The following NLGN1 variants were observed in gnomAD, a reference collection of about 807,000 sequenced individuals.
The protein encoded by NLGN1 is neuroligin-1.
Under a neutral mutation model 65.5 loss-of-function variants are expected in NLGN1, and 12 were observed. That is an observed-to-expected ratio of 0.18 (90% CI 0.12 to 0.30). The LOEUF (loss-of-function observed/expected upper bound fraction) is 0.30, where lower values mean the gene tolerates loss of function less well. Among genes scored for constraint, NLGN1 ranks in the 10% least tolerant of loss-of-function variants. The probability of loss-of-function intolerance (pLI) is 1.00; values close to 1 mark genes in which losing one functional copy is unlikely to be tolerated. For synonymous variants in NLGN1, 350 were observed against 359.5 expected (o/e 0.97, Z 0.30); for missense variants, 750 against 1,007.1 (o/e 0.74, Z 3.46).
intron 4 of NLGN1, among the ~76,000 whole-genome samples, chr3:173,975,979 A>G (rs1363384865): frequency 2.0e-5 from 3 of 152,172 alleles, no homozygotes; most frequent in African/African-American, 7.2e-5. Flanking sequence ...TCTGCAATAT[A>G]TATTTACTAA....
chr3:174,281,888 A>C (rs1029218508), exon 7 of NLGN1: 1 of 152,372 alleles, frequency 6.6e-6, no homozygotes, highest in African/African-American at 2.4e-5. Context: ...AGTTGTGGGG[A>C]TAAAGGAAAC....
intron 2 of NLGN1, among the ~76,000 whole-genome samples, chr3:173,536,420 A>G (rs533024119): frequency 5.3e-5 from 8 of 152,074 alleles, no homozygotes; most frequent in South Asian, 2.1e-4. Flanking sequence ...TACCTGGGGG[A>G]AAAAAAGTAA....
chr3:174,244,717 A>G (rs1743483902), intron 4 of NLGN1, among the ~76,000 whole-genome samples: 1 of 152,168 alleles, frequency 6.6e-6, no homozygotes, highest in Non-Finnish European at 1.5e-5. Context: ...AGGCAAATTT[A>G]AAGTGTTGCT....
intron 4 of NLGN1, among the ~76,000 whole-genome samples, chr3:173,895,030 C>A (rs1736089980): frequency 6.6e-6 from 1 of 152,190 alleles, no homozygotes. Flanking sequence ...GGATTTCTTA[C>A]TGCAAGGTCT....
intron 2 of NLGN1, among the ~76,000 whole-genome samples, chr3:173,529,519 A>C (rs1453967670): frequency 1.3e-5 from 2 of 152,278 alleles, no homozygotes; most frequent in South Asian, 2.1e-4. Flanking sequence ...GCTGGGGTTG[A>C]AGAGGCTGCA....
chr3:173,413,593 C>G (rs1713055752), intron 1 of NLGN1, among the ~76,000 whole-genome samples: 1 of 135,054 alleles, frequency 7.4e-6, no homozygotes, highest in East Asian at 2.0e-4. Flanking sequence ...GAGCAAGACT[C>G]CATCTCAAAA....
chr3:173,625,272 T>A (rs1360527245), intron 3 of NLGN1, among the ~76,000 whole-genome samples: 1 of 152,124 alleles, frequency 6.6e-6, no homozygotes, highest in Non-Finnish European at 1.5e-5. Context: ...ATGTGTATTT[T>A]AGACATAAGA....
At chr3:173,856,669 T>G (rs946569639) in intron 4 of NLGN1, among the ~76,000 whole-genome samples, 2 of 152,100 alleles carry the variant, frequency 1.3e-5, no homozygotes, top group African/African-American at 4.8e-5. Context: ...GTTGATGATC[T>G]TTCCTAGGGT....
chr3:174,238,877 CTCTT>C (rs950392485), intron 4 of NLGN1, among the ~76,000 whole-genome samples: 10 of 152,102 alleles, frequency 6.6e-5, no homozygotes, highest in African/African-American at 2.2e-4. Context: ...GTCTGTCTCT[CTCTT>C]TCTTTAATTT....
At chr3:173,752,537 C>A (rs530922523) in intron 3 of NLGN1, among the ~76,000 whole-genome samples, 38 of 152,200 alleles carry the variant, frequency 2.5e-4, no homozygotes, top group African/African-American at 9.1e-4. Context: ...CCTTATTTAT[C>A]ATAGCATTAA....
intron 4 of NLGN1, among the ~76,000 whole-genome samples, chr3:173,977,698 T>A (rs1490003899): frequency 6.6e-6 from 1 of 151,346 alleles, no homozygotes; most frequent in Admixed American, 6.6e-5. Context: ...GGAAGGAAAA[T>A]CGTGCATTCA....
At chr3:173,713,582 A>G (rs1283082845) in intron 3 of NLGN1, among the ~76,000 whole-genome samples, 1 of 152,082 alleles carries the variant, frequency 6.6e-6, no homozygotes. Context: ...TAATAAGCCT[A>G]TGTTCTGTAC....
At chr3:173,441,607 A>G (rs1452329979) in intron 2 of NLGN1, among the ~76,000 whole-genome samples, 2 of 152,150 alleles carry the variant, frequency 1.3e-5, no homozygotes, top group African/African-American at 2.4e-5. Flanking sequence ...CATATTTGTC[A>G]GTTAAGTCTG....
At chr3:174,275,259 A>T in intron 4 of NLGN1, 56 bp from the exon 5 acceptor site, 1 of 1,270,236 alleles carries the variant, frequency 7.9e-7, no homozygotes, top group Non-Finnish European at 1.1e-6. Context: ...TTTAAATTTG[A>T]TGTCTATTTG....
intron 4 of NLGN1, among the ~76,000 whole-genome samples, chr3:173,978,510 A>C (rs1718027656): frequency 6.6e-6 from 1 of 151,996 alleles, no homozygotes; most frequent in Admixed American, 6.6e-5. Context: ...AAGAAGGATA[A>C]GGGGGCTTAG....
chr3:173,595,965 T>A (rs1560021449), intron 2 of NLGN1, among the ~76,000 whole-genome samples: 1 of 152,106 alleles, frequency 6.6e-6, no homozygotes, highest in Non-Finnish European at 1.5e-5. Flanking sequence ...CAATTCAAGA[T>A]GAGATTTGGG....
intron 4 of NLGN1, among the ~76,000 whole-genome samples, chr3:174,039,980 T>A (rs887237486): frequency 6.6e-6 from 1 of 152,144 alleles, no homozygotes; most frequent in Non-Finnish European, 1.5e-5. Context: ...AACCCTCTGA[T>A]GCTCCAACCA....
intron 3 of NLGN1, among the ~76,000 whole-genome samples, chr3:173,655,982 G>A (rs1371882392): frequency 6.6e-6 from 1 of 152,128 alleles, no homozygotes; most frequent in East Asian, 1.9e-4. Context: ...CCCAAGCATA[G>A]GGGCTCAAGA....
At chr3:173,768,812 C>T (rs1330993868) in intron 3 of NLGN1, among the ~76,000 whole-genome samples, 1 of 152,124 alleles carries the variant, frequency 6.6e-6, no homozygotes, top group Non-Finnish European at 1.5e-5. Flanking sequence ...TGCTCTGTCG[C>T]CCAGGCTGGA....
Sources: gnomAD v4.1 joint callset for allele counts (sites outside exome capture counted in the v4.1 genomes callset) on GRCh38, gnomAD v4.1.1 for gene constraint, MANE v1.5 for transcripts, NCBI Gene and HGNC (gene_info 2026-07-23, HGNC 2026-07-21) for gene names.